Variants in FHIT observed in about 807,000 individuals in gnomAD.
FHIT encodes bis(5'-adenosyl)-triphosphatase.
In FHIT, 19 loss-of-function variants were observed where a neutral mutation model predicts 17.9. The ratio of observed to expected loss-of-function variants is 1.06; its 90% CI spans 0.74 to 1.56. The LOEUF is 1.56. Ranked by LOEUF, FHIT falls within the 40% of genes most tolerant of loss-of-function variation. The pLI is 0.00. For missense variants in FHIT, 248 were observed against 189.2 expected, an observed-to-expected ratio of 1.31 and a Z score of -1.82; for synonymous variants, 81 against 69.7, an observed-to-expected ratio of 1.16 and a Z score of -0.81.
At chr3:61,038,349 A>T (rs1248177331) in intron 3 of FHIT, among the ~76,000 whole-genome samples, 1 of 152,240 alleles carries the variant, frequency 6.6e-6, no homozygotes, top group African/African-American at 2.4e-5. Context: ...ATTAAAGAAG[A>T]GCATATGAAA....
chr3:59,851,164 T>TA (rs141377998), intron 8 of FHIT, among the ~76,000 whole-genome samples: 3,014 of 151,336 alleles, frequency 0.02, 85 homozygotes, highest in African/African-American at 0.059. Flanking sequence ...GATGGTCTCA[T>TA]ATGAGGAATC....
chr3:60,499,541 G>A (rs934305036), intron 5 of FHIT, among the ~76,000 whole-genome samples: 7 of 152,254 alleles, frequency 4.6e-5, no homozygotes, highest in East Asian at 1.9e-4. Flanking sequence ...ATAAGTGCCC[G>A]CCACCGCACC....
intron 5 of FHIT, among the ~76,000 whole-genome samples, chr3:60,483,931 A>G (rs1243338669): frequency 6.6e-6 from 1 of 152,138 alleles, no homozygotes; most frequent in Non-Finnish European, 1.5e-5. Flanking sequence ...AGAAAACCCC[A>G]TCATCTCAGC....
intron 3 of FHIT, among the ~76,000 whole-genome samples, chr3:61,011,585 G>C (rs2031792246): frequency 1.3e-5 from 2 of 151,988 alleles, no homozygotes; most frequent in Non-Finnish European, 2.9e-5. Context: ...TGGAGTTCAT[G>C]GAATCAGATA....
chr3:60,534,290 G>C (rs543244320), intron 5 of FHIT, among the ~76,000 whole-genome samples: 1 of 149,646 alleles, frequency 6.7e-6, no homozygotes, highest in Middle Eastern at 3.4e-3. Flanking sequence ...AAAATTAGCC[G>C]GGCGCGGTGG....
At chr3:59,836,268 A>C (rs1028959482) in intron 8 of FHIT, among the ~76,000 whole-genome samples, 4 of 152,198 alleles carry the variant, frequency 2.6e-5, no homozygotes, top group African/African-American at 9.7e-5. Flanking sequence ...GCACGATTCC[A>C]TACTGTTAGG....
At chr3:59,782,289 A>G (rs988094975) in intron 8 of FHIT, among the ~76,000 whole-genome samples, 1 of 151,952 alleles carries the variant, frequency 6.6e-6, no homozygotes, top group African/African-American at 2.4e-5. Context: ...TTTTCCCTTG[A>G]ATTTTGGATT....
chr3:60,532,956 C>T (rs967287793), intron 5 of FHIT, among the ~76,000 whole-genome samples: 4 of 125,424 alleles, frequency 3.2e-5, no homozygotes, highest in Non-Finnish European at 7.0e-5. Context: ...ACCTGAATGC[C>T]ATTTTTAAGA....
chr3:60,257,404 A>G (rs1225295888), intron 5 of FHIT, among the ~76,000 whole-genome samples: 2 of 152,152 alleles, frequency 1.3e-5, no homozygotes, highest in East Asian at 3.9e-4. Flanking sequence ...GTCCATTCAC[A>G]TCCTGCATGG....
At chr3:60,662,188 C>G (rs2040263793) in intron 4 of FHIT, among the ~76,000 whole-genome samples, 1 of 152,154 alleles carries the variant, frequency 6.6e-6, no homozygotes, top group South Asian at 2.1e-4. Context: ...AGATTTAAGT[C>G]TTTGAACCAT....
intron 5 of FHIT, among the ~76,000 whole-genome samples, chr3:60,146,201 G>A (rs776166212): frequency 1.3e-5 from 2 of 150,848 alleles, no homozygotes; most frequent in African/African-American, 2.4e-5. Flanking sequence ...CTTTATTTAG[G>A]ATAGGTCTAG....
Position 60,155,918 on chromosome 3 carries a change from C to T in FHIT, c.104-141766G>A, listed in dbSNP as rs1423975447. 2.0e-5 allele frequency among the ~76,000 whole-genome samples: 3 copies of T among 152,134 alleles called. No homozygotes were observed. In the East Asian group the frequency reaches 5.8e-4, roughly 29 times the overall value. ...CCCAGTGTTACTTATTGCCAAGAGACATAAAGCGTGCAAAAGCCACACACT... is the reference window on the plus strand; with the variant it reads ...CCCAGTGTTACTTATTGCCAAGAGATATAAAGCGTGCAAAAGCCACACACT... On this transcript the variant is annotated intron_variant, in intron 5 of 9. Coordinates refer to ENST00000492590, the MANE Select transcript of FHIT (RefSeq NM_002012.4).
At chr3:60,516,026 G>GGGGAAGGCA (rs1559505923) in intron 5 of FHIT, among the ~76,000 whole-genome samples, 4 of 152,126 alleles carry the variant, frequency 2.6e-5, no homozygotes, top group African/African-American at 9.7e-5. Context: ...TGGGGAAGGC[G>GGGGAAGGCA]GGGAAGGCAG....
chr3:60,394,683 T>G (rs1370637462), intron 5 of FHIT, among the ~76,000 whole-genome samples: 1 of 152,162 alleles, frequency 6.6e-6, no homozygotes, highest in Non-Finnish European at 1.5e-5. Flanking sequence ...ATTAAAGGTC[T>G]GCTGTGAGAA....
intron 3 of FHIT, among the ~76,000 whole-genome samples, chr3:60,944,127 T>C (rs900271532): frequency 6.6e-6 from 1 of 152,146 alleles, no homozygotes; most frequent in East Asian, 1.9e-4. Context: ...TAAATGAGGG[T>C]CGCATAGTAT....
At chr3:61,166,859 A>T (rs2037854312) in intron 2 of FHIT, 1 of 152,226 alleles carries the variant, frequency 6.6e-6, no homozygotes. Flanking sequence ...TCCATCCTGG[A>T]AGTGTGAGGG....
At chr3:59,916,284 T>C (rs2107165102) in intron 8 of FHIT, among the ~76,000 whole-genome samples, 1 of 152,294 alleles carries the variant, frequency 6.6e-6, no homozygotes, top group East Asian at 1.9e-4. Flanking sequence ...TTATGGTCTC[T>C]TGGACTTATA....
chr3:59,910,365 G>A (rs1410883104), intron 8 of FHIT, among the ~76,000 whole-genome samples: 1 of 152,176 alleles, frequency 6.6e-6, no homozygotes, highest in East Asian at 1.9e-4. Flanking sequence ...GTGAGCAGAG[G>A]GGTGACTTTT....
chr3:59,787,069 G>A (rs1056035556), intron 8 of FHIT, among the ~76,000 whole-genome samples: 17 of 152,032 alleles, frequency 1.1e-4, no homozygotes, highest in African/African-American at 4.1e-4. Context: ...AAAATTGTTG[G>A]GTGTTTACTA....
Sources: gnomAD v4.1 joint callset for allele counts (sites outside exome capture counted in the v4.1 genomes callset) on GRCh38, gnomAD v4.1.1 for gene constraint, MANE v1.5 for transcripts, NCBI Gene and HGNC (gene_info 2026-07-23, HGNC 2026-07-21) for gene names.